The following CADM2 variants were observed in gnomAD, a reference collection of about 807,000 sequenced individuals.
CADM2 encodes the protein immunoglobulin superfamily member 4D.
Under a neutral mutation model 49.8 loss-of-function variants are expected in CADM2, and 12 were observed. The observed-to-expected ratio is 0.24, with a 90% CI of 0.15 to 0.39. The LOEUF is 0.39. Ranked by LOEUF, CADM2 falls within the 10% of genes least tolerant of loss-of-function variation. CADM2 has a pLI of 1.00. For synonymous variants in CADM2, 214 were observed against 175.4 expected (o/e 1.22, Z -1.74); for missense variants, 378 against 492.3 (o/e 0.77, Z 2.20).
intron 1 of CADM2, among the ~76,000 whole-genome samples, chr3:85,331,514 TAAA>T (rs2044926033): frequency 6.6e-6 from 1 of 151,340 alleles, no homozygotes; most frequent in Non-Finnish European, 1.5e-5. Context: ...CTATTGTCAC[TAAA>T]AGTGACAATA....
intron 1 of CADM2, among the ~76,000 whole-genome samples, chr3:85,160,705 C>G (rs2040296534): frequency 6.6e-6 from 1 of 152,060 alleles, no homozygotes; most frequent in Non-Finnish European, 1.5e-5. Flanking sequence ...TAAGCTTGTA[C>G]AAATCTTATA....
chr3:85,634,214 A>G (rs946693942), intron 1 of CADM2, among the ~76,000 whole-genome samples: 6 of 152,016 alleles, frequency 3.9e-5, no homozygotes, highest in Admixed American at 1.3e-4. Context: ...TATTAAACAT[A>G]TGCTACTACT....
At chr3:85,123,501 T>A (rs1405250195) in intron 1 of CADM2, among the ~76,000 whole-genome samples, 1 of 152,150 alleles carries the variant, frequency 6.6e-6, no homozygotes, top group African/African-American at 2.4e-5. Context: ...TGATTCTAAT[T>A]GCCCCAAAAT....
chr3:85,014,424 ACATAGGAAAAAAACATAGTGTG>A (rs200535231), intron 1 of CADM2, among the ~76,000 whole-genome samples: 2,183 of 152,232 alleles, frequency 0.014, 36 homozygotes, highest in East Asian at 0.078. Context: ...AAGTATGTAC[ACATAGGAAAAAAACATAGTGTG>A]CATAGGAAAA....
chr3:86,017,884 T>A (rs559484857), intron 8 of CADM2, among the ~76,000 whole-genome samples: 1 of 150,516 alleles, frequency 6.6e-6, no homozygotes, highest in East Asian at 1.9e-4. Context: ...TTTTTATTAT[T>A]TTTTTATTAT....
chr3:85,638,894 T>C (rs1228119737), intron 1 of CADM2, among the ~76,000 whole-genome samples: 1 of 152,150 alleles, frequency 6.6e-6, no homozygotes, highest in African/African-American at 2.4e-5. Context: ...TTCCCCAATG[T>C]AAACTTAGAA....
intron 1 of CADM2, among the ~76,000 whole-genome samples, chr3:85,609,737 G>T (rs1279746682): frequency 1.3e-5 from 2 of 152,080 alleles, no homozygotes; most frequent in African/African-American, 4.8e-5. Flanking sequence ...CAGCCAAGGT[G>T]TTGTTTTATT....
At chr3:85,573,002 C>T (rs891533015) in intron 1 of CADM2, among the ~76,000 whole-genome samples, 4 of 150,676 alleles carry the variant, frequency 2.7e-5, no homozygotes, top group Admixed American at 2.0e-4. Context: ...TTATCCTAAT[C>T]GTGTATACAT....
intron 1 of CADM2, among the ~76,000 whole-genome samples, chr3:85,375,642 T>C (rs1398005711): frequency 6.6e-6 from 1 of 152,122 alleles, no homozygotes; most frequent in Non-Finnish European, 1.5e-5. Flanking sequence ...AACTTGAAAA[T>C]GCCAACACGA....
chr3:85,029,004 A>C (rs370818892), intron 1 of CADM2, among the ~76,000 whole-genome samples: 1 of 151,950 alleles, frequency 6.6e-6, no homozygotes, highest in African/African-American at 2.4e-5. Flanking sequence ...TTTTAATACT[A>C]TTATAACACG....
At position 85,063,131 on chromosome 3, in the gene CADM2, G is replaced by C. The variant is rs147448251; in HGVS notation, c.61+103463G>C. ...TTTAGGTTTTTTATGTAATTGCAGT[G>C]TTAATCAAAAATAAACTTTAAAATA... is the stretch of plus-strand genomic sequence containing the variant. On this transcript the variant is annotated intron_variant, in intron 1 of 9. Transcript: ENST00000383699. Among the ~76,000 whole-genome samples the C allele has an allele frequency of 1.4e-3, 211 of 151,804 alleles. 1 individual carries two copies. The highest frequency in any genetic ancestry group is 2.5e-3 in the Non-Finnish European group (169 of 67,804).
intron 3 of CADM2, among the ~76,000 whole-genome samples, chr3:85,822,234 GT>G (rs1417702414): frequency 6.6e-6 from 1 of 152,248 alleles, no homozygotes; most frequent in African/African-American, 2.4e-5. Flanking sequence ...TACATTGGCA[GT>G]AATGGAAGAA....
intron 1 of CADM2, among the ~76,000 whole-genome samples, chr3:85,430,699 T>TG (rs1192513110): frequency 7.6e-6 from 1 of 132,374 alleles, no homozygotes; most frequent in Admixed American, 7.8e-5. Context: ...CAAAGAGGGG[T>TG]GGGGGCATGG....
intron 1 of CADM2, among the ~76,000 whole-genome samples, chr3:85,200,329 C>T (rs1473909112): frequency 3.9e-5 from 6 of 152,082 alleles, no homozygotes; most frequent in South Asian, 2.1e-4. Context: ...TCTGGTAAAC[C>T]GTTTCCACTC....
intron 1 of CADM2, among the ~76,000 whole-genome samples, chr3:85,703,304 C>G (rs1288696958): frequency 1.3e-5 from 2 of 152,030 alleles, no homozygotes; most frequent in Non-Finnish European, 2.9e-5. Flanking sequence ...GGACTGCTTT[C>G]CCTGTCTCAC....
At chr3:85,898,880 G>C (rs1033592002) in intron 5 of CADM2, among the ~76,000 whole-genome samples, 6 of 139,434 alleles carry the variant, frequency 4.3e-5, no homozygotes, top group Non-Finnish European at 7.6e-5. Flanking sequence ...TTTTTTAAAG[G>C]CCTTGCCATT....
intron 1 of CADM2, among the ~76,000 whole-genome samples, chr3:85,296,482 C>G (rs927922008): frequency 6.6e-6 from 1 of 151,646 alleles, no homozygotes; most frequent in Non-Finnish European, 1.5e-5. Context: ...ATATTCTGTA[C>G]TTGTATAGTA....
At chr3:85,637,608 CAAAAAAAAAA>C (rs200210729) in intron 1 of CADM2, among the ~76,000 whole-genome samples, 2 of 68,896 alleles carry the variant, frequency 2.9e-5, no homozygotes, top group Non-Finnish European at 6.4e-5. Context: ...GACTCCGTCT[CAAAAAAAAAA>C]AAAAAAATAA....
chr3:85,358,143 G>A (rs1280434192), intron 1 of CADM2, among the ~76,000 whole-genome samples: 1 of 152,056 alleles, frequency 6.6e-6, no homozygotes, highest in East Asian at 1.9e-4. Context: ...ACTGCAAATT[G>A]TATAATGAAT....
Sources: allele counts gnomAD v4.1 joint callset (sites outside exome capture counted in the v4.1 genomes callset), GRCh38; gene constraint gnomAD v4.1.1; transcripts MANE v1.5; gene names NCBI Gene and HGNC (gene_info 2026-07-23, HGNC 2026-07-21).